Variants in SLC24A4 observed in about 807,000 individuals in gnomAD.
SLC24A4 encodes the protein sodium/potassium/calcium exchanger 4.
SLC24A4 carries 53 observed loss-of-function variants against 79.0 expected under a neutral mutation model. The observed-to-expected ratio is 0.67, with a 90% CI of 0.54 to 0.84. The LOEUF is 0.84. Among genes scored for constraint, SLC24A4 ranks in the 40% least tolerant of loss-of-function variants. SLC24A4 has a pLI of 0.00. For missense variants in SLC24A4, 731 were observed against 822.0 expected (o/e 0.89, Z 1.35); for synonymous variants, 323 against 323.8 (o/e 1.00, Z 0.03).
At chr14:92,426,869 A>G (rs1891592913) in intron 2 of SLC24A4, among the ~76,000 whole-genome samples, 1 of 152,244 alleles carries the variant, frequency 6.6e-6, no homozygotes, top group South Asian at 2.1e-4. Flanking sequence ...TATTTAAATT[A>G]CTTCCCAGCC....
intron 2 of SLC24A4, among the ~76,000 whole-genome samples, chr14:92,422,078 T>C (rs1891315752): frequency 6.6e-6 from 1 of 152,274 alleles, no homozygotes; most frequent in Non-Finnish European, 1.5e-5. Context: ...ATCCAGTGTC[T>C]TTAACTATCC....
intron 2 of SLC24A4, among the ~76,000 whole-genome samples, chr14:92,351,266 C>T (rs2141643730): frequency 7.3e-6 from 1 of 136,520 alleles, no homozygotes; most frequent in Non-Finnish European, 1.7e-5. Flanking sequence ...ACAAAACACC[C>T]AATACTGCCT....
At chr14:92,355,172 C>G (rs11623214) in intron 2 of SLC24A4, among the ~76,000 whole-genome samples, 1 of 152,088 alleles carries the variant, frequency 6.6e-6, no homozygotes, top group Non-Finnish European at 1.5e-5. Flanking sequence ...GTTGAAATAT[C>G]ATCTAGGCTG....
At chr14:92,418,521 G>T (rs1891105923) in intron 2 of SLC24A4, among the ~76,000 whole-genome samples, 1 of 152,144 alleles carries the variant, frequency 6.6e-6, no homozygotes. Context: ...TTCATAAAGA[G>T]ATTTATTTTA....
intron 7 of SLC24A4, 63 bp from the exon 8 acceptor site, chr14:92,445,254 C>G: frequency 6.3e-7 from 1 of 1,597,894 alleles, no homozygotes. Flanking sequence ...GGTGTCCGTG[C>G]TTGTTCTTGT....
Position 92,449,073 on chromosome 14 carries a change from G to A in SLC24A4, c.738-1G>A. ...GACCTCCTGCCTCCCCTCGCTTCCA[G>A]GTACAATGTGAAGATGCAAGCCTTT... On this transcript the variant is annotated splice_acceptor_variant, in intron 9 of 16. Transcript: ENST00000532405. LOFTEE classifies it high-confidence loss of function. 6.2e-7 allele frequency: 1 copy of A among 1,614,094 alleles called. No homozygotes were observed. The highest frequency in any genetic ancestry group is 1.1e-5 in the South Asian group (1 of 91,080).
intron 15 of SLC24A4, 84 bp from the exon 16 acceptor site, chr14:92,492,091 A>G: frequency 7.7e-7 from 1 of 1,291,722 alleles, no homozygotes; most frequent in Non-Finnish European, 1.1e-6. Context: ...GAGGGAATGC[A>G]TTGGGCCCAG....
intron 2 of SLC24A4, among the ~76,000 whole-genome samples, chr14:92,330,931 G>T (rs1048583922): frequency 1.3e-5 from 2 of 152,194 alleles, no homozygotes; most frequent in African/African-American, 4.8e-5. Flanking sequence ...TAAGGAACCA[G>T]CGAGTTTCCA....
rs116774524 is a variant in SLC24A4, at chr14:92,378,301, G to A, written c.241+52323G>A. ...TGTGCATTATTTTTGTTGGGTTCAT[G>A]AGAATAGAATTGCTGGGTTGCGGAC... is the stretch of plus-strand genomic sequence containing the variant. On this transcript the variant is annotated intron_variant, in intron 2 of 16. Coordinates refer to ENST00000532405, the MANE Select transcript of SLC24A4 (RefSeq NM_153646.4). 2.4e-3 allele frequency among the ~76,000 whole-genome samples: 358 copies of A among 152,288 alleles called. 3 individuals carry two copies. Among genetic ancestry groups the A allele is most frequent in the African/African-American group, 8.4e-3 (349 of 41,548 alleles).
At chr14:92,383,088 T>G (rs894611043) in intron 2 of SLC24A4, among the ~76,000 whole-genome samples, 1 of 152,176 alleles carries the variant, frequency 6.6e-6, no homozygotes, top group African/African-American at 2.4e-5. Context: ...GCCTGCTCGC[T>G]TGACTCCCCA....
At chr14:92,485,017 C>T (rs1338507503) in intron 13 of SLC24A4, 25 of 526,120 alleles carry the variant, frequency 4.8e-5, no homozygotes, top group Non-Finnish European at 6.1e-5. Flanking sequence ...TTTGAGTTTG[C>T]AGCATGGTTG....
chr14:92,354,698 A>T (rs1887077738), intron 2 of SLC24A4, among the ~76,000 whole-genome samples: 1 of 152,136 alleles, frequency 6.6e-6, no homozygotes, highest in Admixed American at 6.5e-5. Flanking sequence ...GGGGCCTGAG[A>T]TTCTGCACTT....
intron 12 of SLC24A4, among the ~76,000 whole-genome samples, chr14:92,479,680 G>A (rs4900129): frequency 0.91 from 138,386 of 152,190 alleles, 63,894 homozygotes; most frequent in Non-Finnish European, 0.99. Context: ...TACTCTTGAT[G>A]TCTTTGTCTG....
chr14:92,342,508 C>G (rs943741922), intron 2 of SLC24A4, among the ~76,000 whole-genome samples: 1 of 151,992 alleles, frequency 6.6e-6, no homozygotes, highest in Non-Finnish European at 1.5e-5. Context: ...CTCAGCCTCC[C>G]GAGTAGCTGG....
chr14:92,363,010 G>T (rs1035233481), intron 2 of SLC24A4, among the ~76,000 whole-genome samples: 2 of 152,166 alleles, frequency 1.3e-5, no homozygotes, highest in Non-Finnish European at 2.9e-5. Context: ...CTCCCTGCTT[G>T]TGCCAAGCTC....
intron 2 of SLC24A4, among the ~76,000 whole-genome samples, chr14:92,431,199 G>A (rs184336060): frequency 2.6e-5 from 4 of 152,346 alleles, no homozygotes; most frequent in East Asian, 3.9e-4. Context: ...CAGAATGGAT[G>A]TCAAGGAATG....
rs549720657 is a variant in SLC24A4 at position 92,493,479 on chromosome 14, C to T, written c.1720C>T (p.Leu574Phe). 604 of 1,614,134 alleles carry T rather than the reference C, an allele frequency of 3.7e-4. 6 individuals are homozygous for T. The South Asian group carries it at 6.3e-3, about 17-fold the overall frequency. The change falls in exon 17 of 17, where the codon CTC becomes TTC. Residue 574 changes from leucine to phenylalanine, a missense_variant. Leu to Phe is a conservative substitution (Grantham distance 22). Coordinates refer to ENST00000532405, the MANE Select transcript of SLC24A4 (RefSeq NM_153646.4). ...TTCCCACACTCTGTCCTCCCAGGTC[C>T]TCGGCATCCACCTAAACAAGTGGCG... ...LLLGSVALTV[L>F]GIHLNKWRLD...
intron 2 of SLC24A4, among the ~76,000 whole-genome samples, chr14:92,383,121 C>T (rs907441305): frequency 2.0e-5 from 3 of 152,200 alleles, no homozygotes; most frequent in Non-Finnish European, 4.4e-5. Flanking sequence ...TATGGCTTCA[C>T]ATTCGTCTTC....
chr14:92,350,297 A>G (rs916073833), intron 2 of SLC24A4, among the ~76,000 whole-genome samples: 7 of 152,172 alleles, frequency 4.6e-5, no homozygotes. Context: ...GTCAAATCCT[A>G]TACAGATGTA....
Sources: gnomAD v4.1 joint callset for allele counts (sites outside exome capture counted in the v4.1 genomes callset) on GRCh38, gnomAD v4.1.1 for gene constraint, MANE v1.5 for transcripts, NCBI Gene and HGNC (gene_info 2026-07-23, HGNC 2026-07-21) for gene names.